STARD6: variants seen among roughly 807,000 people sequenced by gnomAD.
STARD6 encodes the protein stAR-related lipid transfer protein 6.
STARD6 carries 21 observed loss-of-function variants against 22.3 expected under a neutral mutation model. The observed-to-expected ratio is 0.94, with a 90% CI of 0.67 to 1.35. STARD6 has a LOEUF of 1.35. STARD6 is among the 40% of genes most tolerant of loss of function. The probability of loss-of-function intolerance (pLI) is 0.00; values close to 1 mark genes in which losing one functional copy is unlikely to be tolerated. For synonymous variants in STARD6, 80 were observed against 88.1 expected, an observed-to-expected ratio of 0.91 and a Z score of 0.52; for missense variants, 269 against 266.9, an observed-to-expected ratio of 1.01 and a Z score of -0.05.
chr18:54,341,705 A>T (rs986588069), intron 4 of STARD6, among the ~76,000 whole-genome samples: 1 of 152,252 alleles, frequency 6.6e-6, no homozygotes, highest in African/African-American at 2.4e-5. Context: ...AAAATTAGAG[A>T]ATAATTTGAG....
intron 4 of STARD6, among the ~76,000 whole-genome samples, chr18:54,345,577 C>T (rs925441044): frequency 1.3e-5 from 2 of 152,058 alleles, no homozygotes; most frequent in South Asian, 2.1e-4. Flanking sequence ...GTTGCTGAGG[C>T]TGGAGTGTCT....
chr18:54,357,721 T>C (rs2089169366), intron 1 of STARD6, 71 bp downstream of exon 1: 2 of 152,436 alleles, frequency 1.3e-5, no homozygotes, highest in African/African-American at 4.8e-5. Flanking sequence ...TGGAAGGGCG[T>C]GGGGGGCAGC....
At chr18:54,349,020 T>G (rs2089066457) in intron 4 of STARD6, among the ~76,000 whole-genome samples, 1 of 152,148 alleles carries the variant, frequency 6.6e-6, no homozygotes, top group Admixed American at 6.6e-5. Flanking sequence ...ACTGTTCTTG[T>G]GCTAGGGATA....
chr18:54,337,309 A>T (rs1301633238), intron 4 of STARD6, 58 bp from the exon 5 acceptor site: 5 of 1,509,938 alleles, frequency 3.3e-6, no homozygotes, highest in Middle Eastern at 2.0e-4. Flanking sequence ...TAAGCTGAAA[A>T]TATAATACTA....
intron 4 of STARD6, among the ~76,000 whole-genome samples, chr18:54,341,911 A>C (rs371374635): frequency 2.8e-4 from 43 of 152,324 alleles, no homozygotes; most frequent in African/African-American, 9.9e-4. Context: ...GGCAGGAAAT[A>C]ATAAGGATTA....
chr18:54,343,529 C>T (rs1484736755), intron 4 of STARD6, among the ~76,000 whole-genome samples: 10 of 82,210 alleles, frequency 1.2e-4, no homozygotes, highest in African/African-American at 5.1e-4. Flanking sequence ...CCAGCCGCCC[C>T]GTCCGGGAGG....
chr18:54,332,003 CA>C, intron 5 of STARD6, 144 bp from the exon 6 acceptor site: 1 of 537,356 alleles, frequency 1.9e-6, no homozygotes, highest in South Asian at 3.2e-5. Flanking sequence ...GTCACCAAAT[CA>C]GCTTGGATTT....
intron 3 of STARD6, 150 bp from the exon 4 acceptor site, chr18:54,354,253 T>C: frequency 1.6e-6 from 1 of 626,398 alleles, no homozygotes; most frequent in Non-Finnish European, 2.8e-6. Context: ...GGTCTCACTA[T>C]GTTGCCCAGT....
At chr18:54,352,108 T>A (rs1209166842) in intron 4 of STARD6, among the ~76,000 whole-genome samples, 4 of 151,680 alleles carry the variant, frequency 2.6e-5, no homozygotes, top group African/African-American at 9.7e-5. Context: ...AATTATTGTT[T>A]CAATCTTGCT....
intron 3 of STARD6, 64 bp downstream of exon 3, chr18:54,354,418 CTT>C: frequency 7.2e-7 from 1 of 1,394,776 alleles, no homozygotes; most frequent in Non-Finnish European, 1.0e-6. Context: ...TTAAAAAAGT[CTT>C]TACAATGAAT....
intron 4 of STARD6, among the ~76,000 whole-genome samples, chr18:54,353,772 C>A (rs533757410): frequency 3.3e-5 from 5 of 152,238 alleles, no homozygotes; most frequent in African/African-American, 1.2e-4. Flanking sequence ...AAATACCAAT[C>A]TGCTTTTATA....
At chr18:54,354,136 G>C in intron 3 of STARD6, 33 bp from the exon 4 acceptor site, 1 of 1,337,530 alleles carries the variant, frequency 7.5e-7, no homozygotes, top group Non-Finnish European at 1.0e-6. Context: ...CAAATAATTA[G>C]CTGTCAAATG....
At chr18:54,345,881 A>G (rs2144688594) in intron 4 of STARD6, among the ~76,000 whole-genome samples, 1 of 152,302 alleles carries the variant, frequency 6.6e-6, no homozygotes, top group South Asian at 2.1e-4. Flanking sequence ...ATTTACATGC[A>G]AAGATTGAAT....
At position 54,356,378 on chromosome 18, in the gene STARD6, A is replaced by G. The variant is rs1292613978; in HGVS notation, c.-22T>C. The stretch of plus-strand genomic sequence containing the variant: ...TTCTTTACCTTTCCTGACAGATCTA[A>G]TGCAGAATTTTAGTAACTACTGGGG... On this transcript the variant is annotated 5_prime_UTR_variant, in exon 2 of 8. Transcript: ENST00000307844. 1 of 152,228 alleles carries G rather than the reference A, an allele frequency of 6.6e-6. No individual in the cohort carries two copies. Among genetic ancestry groups the G allele is most frequent in the Non-Finnish European group, 1.5e-5 (1 of 68,044 alleles). 9.4% of individuals were successfully genotyped at this position (152,228 alleles called of 1,614,324 possible). A position where few individuals can be genotyped will look rare whatever the true frequency, so the allele number is the denominator to read the frequency against.
At chr18:54,338,460 T>A (rs576869913) in intron 4 of STARD6, among the ~76,000 whole-genome samples, 1 of 152,046 alleles carries the variant, frequency 6.6e-6, no homozygotes, top group African/African-American at 2.4e-5. Flanking sequence ...AAGTAAAAAG[T>A]CAGAGCAGAG....
chr18:54,351,177 T>C (rs2089092622), intron 4 of STARD6, among the ~76,000 whole-genome samples: 1 of 152,188 alleles, frequency 6.6e-6, no homozygotes, highest in South Asian at 2.1e-4. Flanking sequence ...GCAGTTTCCC[T>C]TGTAGAGATC....
chr18:54,335,751 G>A (rs1599299693), intron 5 of STARD6, among the ~76,000 whole-genome samples: 1 of 151,996 alleles, frequency 6.6e-6, no homozygotes, highest in South Asian at 2.1e-4. Context: ...AAAGTGTGTG[G>A]TATCTCCCCC....
At position 54,334,461 on chromosome 18, in the gene STARD6, C is replaced by G. The variant is rs79559367; in HGVS notation, c.268-2602G>C. ...ACTTCTCCCCCTGACCTTTGAGACT[C>G]TTGCAGAATCTGATCCCAGCCTAAC... is the stretch of plus-strand genomic sequence containing the variant. On this transcript the variant is annotated intron_variant, in intron 5 of 7. Coordinates refer to ENST00000307844, the MANE Select transcript of STARD6 (RefSeq NM_139171.2). 4.2e-3 allele frequency among the ~76,000 whole-genome samples: 632 copies of G among 152,202 alleles called. 9 individuals are homozygous for G. The highest frequency in any genetic ancestry group is 0.015 in the African/African-American group (616 of 41,522).
chr18:54,356,063 G>A (rs539580292), intron 2 of STARD6, among the ~76,000 whole-genome samples: 4 of 152,168 alleles, frequency 2.6e-5, no homozygotes, highest in South Asian at 2.1e-4. Flanking sequence ...CCTATACTAG[G>A]TTATCAAAAT....
Sources: gnomAD v4.1 joint callset for allele counts (sites outside exome capture counted in the v4.1 genomes callset) on GRCh38, gnomAD v4.1.1 for gene constraint, MANE v1.5 for transcripts, NCBI Gene and HGNC (gene_info 2026-07-23, HGNC 2026-07-21) for gene names.